Variants in FGF12 observed in about 807,000 individuals in gnomAD.
FGF12 encodes the protein fibroblast growth factor 12B.
Under a neutral mutation model 23.6 loss-of-function variants are expected in FGF12, and 14 were observed. The ratio of observed to expected loss-of-function variants is 0.59; its 90% confidence interval spans 0.39 to 0.93. The LOEUF (loss-of-function observed/expected upper bound fraction) is 0.93, where lower values mean the gene tolerates loss of function less well. FGF12 is among the 40% of genes least tolerant of loss of function. The pLI is 0.00. For missense variants in FGF12, 175 were observed against 217.8 expected, an observed-to-expected ratio of 0.80 and a Z score of 1.24; for synonymous variants, 62 against 77.3, an observed-to-expected ratio of 0.80 and a Z score of 1.04.
At chr3:192,297,204 T>C (rs1428785476) in intron 4 of FGF12, among the ~76,000 whole-genome samples, 2 of 152,212 alleles carry the variant, frequency 1.3e-5, no homozygotes, top group African/African-American at 4.8e-5. Flanking sequence ...ATTTGCGTCA[T>C]AGCCCACAAA....
intron 5 of FGF12, among the ~76,000 whole-genome samples, chr3:192,145,304 T>C (rs1713634490): frequency 6.6e-6 from 1 of 152,204 alleles, no homozygotes; most frequent in African/African-American, 2.4e-5. Context: ...TCAGAGAATA[T>C]AGAAATAAAT....
intron 2 of FGF12, among the ~76,000 whole-genome samples, chr3:192,553,063 G>A (rs9820956): frequency 0.22 from 32,927 of 151,952 alleles, 3,860 homozygotes; most frequent in Middle Eastern, 0.39. Flanking sequence ...TAATAAATGC[G>A]TACTGAGAAA....
Position 192,272,247 on chromosome 3 carries a change from T to C in FGF12, c.228+63114A>G, listed in dbSNP as rs1332010204. ...TATTCTAGGAATTTTCAGTAACTGTTATTGCTTTTTTGTGGTAGCTATGCT... is the reference window on the plus strand; with the variant it reads ...TATTCTAGGAATTTTCAGTAACTGTCATTGCTTTTTTGTGGTAGCTATGCT... On this transcript the variant is annotated intron_variant, in intron 4 of 5. Coordinates refer to ENST00000445105, the MANE Select transcript of FGF12 (RefSeq NM_004113.6). 3.3e-5 allele frequency among the ~76,000 whole-genome samples: 5 copies of C among 152,296 alleles called. No individual in the cohort carries two copies. The East Asian group carries it at 9.6e-4, about 29-fold the overall frequency.
intron 2 of FGF12, among the ~76,000 whole-genome samples, chr3:192,567,058 C>T (rs931945476): frequency 1.3e-5 from 2 of 152,150 alleles, no homozygotes; most frequent in Non-Finnish European, 1.5e-5. Context: ...TACTTTCTCT[C>T]GTCTACTTCT....
rs532508141 is a variant in FGF12, at chr3:192,520,204, G to GAT, written c.14-159668_14-159667dup. Among the ~76,000 whole-genome samples the GAT allele has an allele frequency of 1.4e-3, 210 of 152,262 alleles. 1 individual carries two copies. The highest frequency in any genetic ancestry group is 2.2e-3 in the Non-Finnish European group (150 of 68,012). ...ACATTTCTATCGGTATATCTTTTTA[G>GAT]ATAGATTCTGATATATCATGTAGAG... On this transcript the variant is annotated intron_variant, in intron 2 of 5. Transcript: ENST00000445105.
chr3:192,227,763 AT>A (rs1718816389), intron 4 of FGF12, among the ~76,000 whole-genome samples: 1 of 152,136 alleles, frequency 6.6e-6, no homozygotes, highest in Non-Finnish European at 1.5e-5. Context: ...ATTACTTCTT[AT>A]TGAACTCTAT....
Position 192,573,736 on chromosome 3 carries a change from A to T in FGF12, c.13+153445T>A, listed in dbSNP as rs979281357. 2.6e-5 allele frequency among the ~76,000 whole-genome samples: 4 copies of T among 152,228 alleles called. No homozygotes were observed. In the East Asian group the frequency reaches 5.8e-4, roughly 22 times the overall value. On this transcript the variant is annotated intron_variant, in intron 2 of 5. Coordinates refer to ENST00000445105, the MANE Select transcript of FGF12 (RefSeq NM_004113.6). ...TTTTACGATACTTATTAGAAAAAAT[A>T]AAACCCAACCAAATTTGGGTATAAG... is the stretch of plus-strand genomic sequence containing the variant.
chr3:192,714,565 C>CTGGA (rs2108742026), intron 2 of FGF12, among the ~76,000 whole-genome samples: 1 of 130,344 alleles, frequency 7.7e-6, no homozygotes, highest in Non-Finnish European at 1.5e-5. Context: ...GTCGCCCAGG[C>CTGGA]TGGAGTGCAG....
intron 4 of FGF12, among the ~76,000 whole-genome samples, chr3:192,186,688 C>CA (rs1716492572): frequency 6.6e-6 from 1 of 151,838 alleles, no homozygotes; most frequent in Non-Finnish European, 1.5e-5. Flanking sequence ...CATGCTCTTG[C>CA]AAAAAAATAA....
intron 2 of FGF12, among the ~76,000 whole-genome samples, chr3:192,500,811 A>G (rs1190038181): frequency 6.6e-6 from 1 of 152,192 alleles, no homozygotes; most frequent in Non-Finnish European, 1.5e-5. Context: ...TATAATCCCC[A>G]TAAAGTAGGT....
At chr3:192,324,163 C>T (rs1369090753) in intron 4 of FGF12, among the ~76,000 whole-genome samples, 2 of 151,426 alleles carry the variant, frequency 1.3e-5, no homozygotes, top group African/African-American at 2.4e-5. Context: ...TACCACGTGC[C>T]CACAAAACTT....
chr3:192,338,228 C>T (rs921059883), intron 3 of FGF12, among the ~76,000 whole-genome samples: 8 of 152,010 alleles, frequency 5.3e-5, no homozygotes, highest in Non-Finnish European at 8.8e-5. Flanking sequence ...CTATTATAGG[C>T]GCCTGCCACC....
At chr3:192,446,108 G>A (rs900239640) in intron 2 of FGF12, among the ~76,000 whole-genome samples, 3 of 152,140 alleles carry the variant, frequency 2.0e-5, no homozygotes, top group African/African-American at 2.4e-5. Context: ...CATCTGTCTC[G>A]AATTCATGCC....
rs747615626 is a variant in FGF12 at position 192,158,446 on chromosome 3, C to CT, written c.427+12011dup. 1.8e-4 allele frequency among the ~76,000 whole-genome samples: 18 copies of CT among 101,030 alleles called. No individual in the cohort carries two copies. The East Asian group carries it at 2.2e-3, about 12-fold the overall frequency. The allele number at this position is 101,030 out of a possible 152,430, so 66.3% of individuals were successfully genotyped here. ...CTTTTTCTTTTTTCTTTCTTTCTTT[C>CT]TTCTTTTTTCTTGCTTTCTTGCTCT... On this transcript the variant is annotated intron_variant, in intron 5 of 5. Transcript: ENST00000445105.
intron 4 of FGF12, among the ~76,000 whole-genome samples, chr3:192,285,365 A>G (rs185109900): frequency 1.3e-5 from 2 of 152,184 alleles, no homozygotes; most frequent in East Asian, 1.9e-4. Flanking sequence ...TCTTTTCACT[A>G]CAATCTCAAG....
chr3:192,610,702 A>G (rs1339549097), intron 2 of FGF12, among the ~76,000 whole-genome samples: 1 of 152,016 alleles, frequency 6.6e-6, no homozygotes, highest in East Asian at 1.9e-4. Flanking sequence ...TCCATATTAG[A>G]ACCTGCAAGG....
At chr3:192,157,114 C>G (rs897357365) in intron 5 of FGF12, among the ~76,000 whole-genome samples, 30 of 152,202 alleles carry the variant, frequency 2.0e-4, no homozygotes, top group African/African-American at 6.8e-4. Context: ...ACAGTATGTA[C>G]TACTTTAAAG....
At chr3:192,355,312 T>A (rs891295550) in intron 3 of FGF12, among the ~76,000 whole-genome samples, 1 of 152,214 alleles carries the variant, frequency 6.6e-6, no homozygotes, top group Admixed American at 6.5e-5. Flanking sequence ...CTTGCAGATA[T>A]ACATTTTAAG....
At chr3:192,272,187 A>AT (rs766942754) in intron 4 of FGF12, among the ~76,000 whole-genome samples, 1 of 152,082 alleles carries the variant, frequency 6.6e-6, no homozygotes, top group Non-Finnish European at 1.5e-5. Flanking sequence ...ACAAATCCAA[A>AT]TTTTTTTAAA....
Sources: gnomAD v4.1 joint callset for allele counts (sites outside exome capture counted in the v4.1 genomes callset) on GRCh38, gnomAD v4.1.1 for gene constraint, MANE v1.5 for transcripts, NCBI Gene and HGNC (gene_info 2026-07-23, HGNC 2026-07-21) for gene names.